The following ICA1 variants were observed in gnomAD, a reference collection of about 807,000 sequenced individuals.
The protein encoded by ICA1 is islet cell autoantigen 1, also known as 69 kDa islet cell autoantigen.
Under a neutral mutation model 71.0 loss-of-function variants are expected in ICA1, and 40 were observed. That is an observed-to-expected ratio of 0.56 (90% confidence interval 0.44 to 0.73). The LOEUF is 0.73. Among genes scored for constraint, ICA1 ranks in the 30% least tolerant of loss-of-function variants. The pLI is 0.00. For missense variants in ICA1, 578 were observed against 576.5 expected (o/e 1.00, Z -0.03); for synonymous variants, 207 against 209.5 (o/e 0.99, Z 0.10).
chr7:8,251,788 C>A (rs554534710), intron 1 of ICA1, among the ~76,000 whole-genome samples: 1 of 152,074 alleles, frequency 6.6e-6, no homozygotes, highest in African/African-American at 2.4e-5. Context: ...ATGTCATCTT[C>A]AGCATTAATA....
intron 13 of ICA1, among the ~76,000 whole-genome samples, chr7:8,124,618 T>TG (rs1267614185): frequency 6.6e-6 from 1 of 152,206 alleles, no homozygotes; most frequent in Non-Finnish European, 1.5e-5. Flanking sequence ...ATCCCTGAAC[T>TG]GGGAGCACCT....
rs1447878035 is a variant in ICA1, at chr7:8,123,522, T to C, written c.1330+4351A>G. 6.6e-6 allele frequency among the ~76,000 whole-genome samples: 1 copy of C among 152,180 alleles called. No homozygotes were observed. The highest frequency in any genetic ancestry group is 1.9e-4 in the East Asian group (1 of 5,188). ...CACGGAGAGCCAGGAAAACCTGAGATGCAGCAGGAGTGTGCCAGAGCGAAT... is the reference window on the plus strand; with the variant it reads ...CACGGAGAGCCAGGAAAACCTGAGACGCAGCAGGAGTGTGCCAGAGCGAAT... On this transcript the variant is annotated intron_variant, in intron 13 of 13. Coordinates refer to ENST00000402384, the MANE Select transcript of ICA1 (RefSeq NM_001136020.3). The surrounding 1 kb of genome is among the most constrained non-coding windows in gnomAD (Gnocchi z 4.1).
intron 8 of ICA1, among the ~76,000 whole-genome samples, chr7:8,154,534 A>C (rs191389836): frequency 6.6e-6 from 1 of 152,338 alleles, no homozygotes; most frequent in Admixed American, 6.5e-5. Context: ...AACCCTCTCT[A>C]AAGACAATGT....
intron 6 of ICA1, among the ~76,000 whole-genome samples, chr7:8,170,406 T>C (rs1226567752): frequency 6.6e-5 from 10 of 152,056 alleles, no homozygotes; most frequent in African/African-American, 1.9e-4. Flanking sequence ...TAGGACTGCA[T>C]TGAATCTACA....
intron 4 of ICA1, among the ~76,000 whole-genome samples, chr7:8,221,689 T>C (rs1052143820): frequency 4.6e-5 from 7 of 152,178 alleles, no homozygotes; most frequent in African/African-American, 7.2e-5. Flanking sequence ...AAGCCCATAG[T>C]GTGCGGCTTC....
At chr7:8,131,361 C>T (rs901040052) in intron 12 of ICA1, among the ~76,000 whole-genome samples, 1 of 152,182 alleles carries the variant, frequency 6.6e-6, no homozygotes, top group African/African-American at 2.4e-5. Flanking sequence ...TTTTCTATCA[C>T]TTGCAATCAG....
chr7:8,162,534 C>A (rs1804256064), intron 6 of ICA1, among the ~76,000 whole-genome samples: 1 of 152,194 alleles, frequency 6.6e-6, no homozygotes, highest in Non-Finnish European at 1.5e-5. Context: ...AGGCCACTAT[C>A]AAGAGTCTAA....
intron 12 of ICA1, among the ~76,000 whole-genome samples, chr7:8,136,100 A>T (rs530429729): frequency 6.6e-6 from 1 of 152,306 alleles, no homozygotes; most frequent in South Asian, 2.1e-4. Flanking sequence ...GTTTTCCATT[A>T]TATTAGCTAT....
At chr7:8,134,752 T>A (rs185075832) in intron 12 of ICA1, among the ~76,000 whole-genome samples, 8 of 152,288 alleles carry the variant, frequency 5.3e-5, no homozygotes, top group African/African-American at 1.9e-4. Flanking sequence ...AGAACACTGC[T>A]TCTAAGAACT....
At chr7:8,131,143 A>G (rs900952012) in intron 12 of ICA1, among the ~76,000 whole-genome samples, 1 of 152,198 alleles carries the variant, frequency 6.6e-6, no homozygotes, top group African/African-American at 2.4e-5. Context: ...AGCTCTAAAG[A>G]TGCAAATTTC....
chr7:8,135,012 A>T (rs941208469), intron 12 of ICA1, among the ~76,000 whole-genome samples: 3 of 135,968 alleles, frequency 2.2e-5, no homozygotes, highest in Non-Finnish European at 4.7e-5. Flanking sequence ...AAATATTTAT[A>T]GACTCTTTAT....
intron 6 of ICA1, among the ~76,000 whole-genome samples, chr7:8,214,256 G>A (rs1399351199): frequency 6.6e-6 from 1 of 152,210 alleles, no homozygotes; most frequent in African/African-American, 2.4e-5. Context: ...TCTCTCAAGG[G>A]CATTCAGGCT....
Position 8,141,770 on chromosome 7 carries a change from A to G in ICA1, c.950T>C (p.Phe317Ser). The change falls in exon 10 of 14, where the codon TTT (phenylalanine) becomes TCT (serine). Residue 317 changes from phenylalanine (F) to serine (S), a missense_variant. By Grantham distance (155) the Phe-to-Ser change is radical. Transcript: ENST00000402384. ...AAATAAAAATCAAAACTTACTCTTA[A>G]AACTAGAGGATTCCTTGCGCTGGTT... ...EENQRKESSS[F>S]KTEDGKSILS... is the part of the protein sequence containing the mutation. The G allele has an allele frequency of 6.4e-7, 1 of 1,552,378 alleles. No individual in the cohort carries two copies. Among genetic ancestry groups the G allele is most frequent in the African/African-American group, 1.4e-5 (1 of 73,122 alleles).
At chr7:8,133,115 G>A (rs1194453194) in intron 12 of ICA1, among the ~76,000 whole-genome samples, 3 of 152,102 alleles carry the variant, frequency 2.0e-5, no homozygotes, top group Non-Finnish European at 4.4e-5. Flanking sequence ...CATGGGAGTG[G>A]GATTGGTAGC....
chr7:8,161,196 A>G (rs1391478782), intron 6 of ICA1, among the ~76,000 whole-genome samples: 1 of 152,262 alleles, frequency 6.6e-6, no homozygotes, highest in East Asian at 1.9e-4. Flanking sequence ...TGAGGTACAT[A>G]ACAGGGAGTC....
intron 6 of ICA1, among the ~76,000 whole-genome samples, chr7:8,177,511 G>A (rs1443891265): frequency 6.6e-6 from 1 of 152,106 alleles, no homozygotes; most frequent in South Asian, 2.1e-4. Flanking sequence ...AAATTCTTCA[G>A]TAAAGGTCTA....
At chr7:8,261,222 T>C (rs1812215462) in intron 1 of ICA1, among the ~76,000 whole-genome samples, 2 of 152,192 alleles carry the variant, frequency 1.3e-5, no homozygotes, top group Admixed American at 1.3e-4. Context: ...AGGCAGTTAA[T>C]GCCCTTCGCC....
chr7:8,238,264 T>C (rs1031780999), intron 1 of ICA1, among the ~76,000 whole-genome samples: 4 of 152,226 alleles, frequency 2.6e-5, no homozygotes, highest in Admixed American at 2.0e-4. Flanking sequence ...CCACTGATGG[T>C]ATGCAAGGGT....
chr7:8,228,196 G>A (rs905146481), intron 4 of ICA1, among the ~76,000 whole-genome samples: 1 of 152,064 alleles, frequency 6.6e-6, no homozygotes, highest in Non-Finnish European at 1.5e-5. Context: ...ATGAAGAAAT[G>A]TTGTCAACAA....
Sources: allele counts gnomAD v4.1 joint callset (sites outside exome capture counted in the v4.1 genomes callset), GRCh38; gene constraint gnomAD v4.1.1; non-coding constraint Gnocchi (gnomAD v3.1); transcripts MANE v1.5; gene names NCBI Gene and HGNC (gene_info 2026-07-23, HGNC 2026-07-21).